The following NELL2 variants were observed in gnomAD, a reference collection of about 807,000 sequenced individuals.
NELL2 encodes the protein protein kinase C-binding protein NELL2.
Under a neutral mutation model 109.6 loss-of-function variants are expected in NELL2, and 41 were observed. The ratio of observed to expected loss-of-function variants is 0.37; its 90% CI spans 0.29 to 0.49. NELL2 has a LOEUF of 0.49. Among genes scored for constraint, NELL2 ranks in the 20% least tolerant of loss-of-function variants. NELL2 has a pLI of 0.98. For synonymous variants in NELL2, 355 were observed against 344.7 expected (o/e 1.03, Z -0.33); for missense variants, 900 against 1,008.3 (o/e 0.89, Z 1.45).
chr12:44,685,536 T>C (rs1948684516), intron 12 of NELL2, among the ~76,000 whole-genome samples: 1 of 152,218 alleles, frequency 6.6e-6, no homozygotes, highest in Admixed American at 6.5e-5. Flanking sequence ...TTGGCATGAT[T>C]TTGCAGCAGG....
At chr12:44,770,823 T>C (rs1941517976) in intron 9 of NELL2, among the ~76,000 whole-genome samples, 1 of 152,272 alleles carries the variant, frequency 6.6e-6, no homozygotes, top group South Asian at 2.1e-4. Context: ...TTCCCTATTC[T>C]CATGAACCGC....
intron 15 of NELL2, among the ~76,000 whole-genome samples, chr12:44,549,088 T>A (rs929367049): frequency 5.9e-5 from 9 of 152,176 alleles, no homozygotes; most frequent in African/African-American, 2.2e-4. Context: ...TGGCTGTAAA[T>A]TTTTCTACCC....
Position 44,607,170 on chromosome 12 carries a change from C to T in NELL2, c.1662G>A (p.Thr554=), listed in dbSNP as rs756487539. Residue 554 remains threonine (T), a splice_region_variant and synonymous_variant, in exon 15 of 20, where the codon ACG becomes ACA. Coordinates refer to ENST00000429094, the MANE Select transcript of NELL2 (RefSeq NM_001145108.2). ...PQGFTGPSCE[T]DIDECSDGFV... ...TAGAAGATGAAATGATATTCTTACC[C>T]GTTTCACAGCTGGGTCCAGTGAAGC... 6.8e-5 allele frequency: 109 copies of T among 1,609,788 alleles called. No individual in the cohort carries two copies. Among genetic ancestry groups the T allele is most frequent in the Admixed American group, 1.0e-4 (6 of 59,504 alleles).
intron 9 of NELL2, among the ~76,000 whole-genome samples, chr12:44,724,568 C>A (rs1195927969): frequency 6.6e-6 from 1 of 151,662 alleles, no homozygotes; most frequent in African/African-American, 2.4e-5. Context: ...AGACCTCTAC[C>A]AAGAGAATTA....
At chr12:44,701,060 T>C (rs111731408) in intron 12 of NELL2, among the ~76,000 whole-genome samples, 9,423 of 152,146 alleles carry the variant, frequency 0.062, 960 homozygotes, top group African/African-American at 0.21. Context: ...AAGTGTAATT[T>C]ATTTAAGGAC....
intron 11 of NELL2, among the ~76,000 whole-genome samples, chr12:44,706,182 T>G (rs1937866345): frequency 6.6e-6 from 1 of 152,188 alleles, no homozygotes; most frequent in Non-Finnish European, 1.5e-5. Flanking sequence ...TCAGATGGGT[T>G]TTTTTAAACA....
chr12:44,517,581 G>T (rs1203880803), intron 19 of NELL2, among the ~76,000 whole-genome samples: 1 of 152,112 alleles, frequency 6.6e-6, no homozygotes, highest in Non-Finnish European at 1.5e-5. Flanking sequence ...CTTACACAGT[G>T]TGCTATCTAA....
intron 12 of NELL2, among the ~76,000 whole-genome samples, chr12:44,684,906 T>G (rs1948661721): frequency 6.6e-6 from 1 of 152,162 alleles, no homozygotes; most frequent in Non-Finnish European, 1.5e-5. Flanking sequence ...TGATTTGGGG[T>G]GGAGAGTTCT....
At chr12:44,868,075 T>G (rs7971834) in intron 2 of NELL2, among the ~76,000 whole-genome samples, 21,151 of 131,078 alleles carry the variant, frequency 0.16, 1,738 homozygotes, top group Admixed American at 0.27. Context: ...AGCCTAGATC[T>G]CACCACTGCT....
chr12:44,735,665 C>A (rs1447217986), intron 9 of NELL2, among the ~76,000 whole-genome samples: 1 of 152,142 alleles, frequency 6.6e-6, no homozygotes, highest in Non-Finnish European at 1.5e-5. Flanking sequence ...ACCCTCATAG[C>A]AAAAGCAGTT....
chr12:44,613,907 C>T (rs1945719834), intron 13 of NELL2, among the ~76,000 whole-genome samples: 1 of 151,966 alleles, frequency 6.6e-6, no homozygotes, highest in Non-Finnish European at 1.5e-5. Context: ...CACTAGTTCG[C>T]CTCTCCATTT....
intron 9 of NELL2, among the ~76,000 whole-genome samples, chr12:44,741,530 G>C (rs1320640380): frequency 6.6e-6 from 1 of 152,238 alleles, no homozygotes; most frequent in Non-Finnish European, 1.5e-5. Flanking sequence ...GAAGTGCAAG[G>C]GGTCAGGGAA....
chr12:44,876,446 C>T, upstream of NELL2: 5 of 1,287,960 alleles, frequency 3.9e-6, no homozygotes, highest in African/African-American at 1.5e-5. Flanking sequence ...GTCTCCCGCA[C>T]GGTCTCCTGG....
At chr12:44,552,036 G>T (rs985068543) in intron 15 of NELL2, among the ~76,000 whole-genome samples, 5 of 152,138 alleles carry the variant, frequency 3.3e-5, no homozygotes, top group African/African-American at 1.2e-4. Context: ...GACTGGTCTG[G>T]CTGCTAAGCT....
chr12:44,906,459 C>G (rs937782155), intron 1 of NELL2, among the ~76,000 whole-genome samples: 1 of 152,012 alleles, frequency 6.6e-6, no homozygotes, highest in African/African-American at 2.4e-5. Flanking sequence ...GGTAGAGCAG[C>G]TAGAAAGTTA....
chr12:44,821,885 TTTTATTTATTTATTTA>T lies in NELL2; in HGVS notation c.185-5765_185-5750del, dbSNP rs199661897. Among the ~76,000 whole-genome samples the T allele has an allele frequency of 3.5e-3, 496 of 141,322 alleles. 4 individuals are homozygous for T. The highest frequency in any genetic ancestry group is 0.012 in the African/African-American group (446 of 38,060). The allele number at this position is 141,322 out of a possible 152,430, so 92.7% of individuals were successfully genotyped here. A position where few individuals can be genotyped will look rare whatever the true frequency, so the allele number is the denominator to read the frequency against. ...AGTGTGCACCACCACGCCCGGCTGG[TTTTATTTATTTATTTA>T]TTTATTTATTTATTTATTTATTTAT... On this transcript the variant is annotated intron_variant, in intron 2 of 19. Transcript: ENST00000429094.
At chr12:44,587,284 A>AAAAAAAAAAAAAAAATATATATATATAT in intron 15 of NELL2, among the ~76,000 whole-genome samples, 2 of 72,220 alleles carry the variant, frequency 2.8e-5, no homozygotes, top group East Asian at 5.7e-4. Flanking sequence ...AAAAAAAAAA[A>AAAAAAAAAAAAAAAATATATATATATAT]ATATATATAT....
chr12:44,783,017 C>A (rs546445795), intron 3 of NELL2, among the ~76,000 whole-genome samples: 1 of 151,766 alleles, frequency 6.6e-6, no homozygotes, highest in African/African-American at 2.4e-5. Flanking sequence ...AACAAAACAA[C>A]ATTTTAAAAA....
intron 15 of NELL2, among the ~76,000 whole-genome samples, chr12:44,540,748 C>CT (rs1555173082): frequency 1.9e-5 from 2 of 102,710 alleles, no homozygotes; most frequent in African/African-American, 7.7e-5. Context: ...AAAACTGGCT[C>CT]TTTTTTTAGC....
Sources: gnomAD v4.1 joint callset for allele counts (sites outside exome capture counted in the v4.1 genomes callset) on GRCh38, gnomAD v4.1.1 for gene constraint, MANE v1.5 for transcripts, NCBI Gene and HGNC (gene_info 2026-07-23, HGNC 2026-07-21) for gene names.